The following CNTN4 variants were observed in gnomAD, a reference collection of about 807,000 sequenced individuals.
CNTN4 encodes contactin-4.
In CNTN4, 77 loss-of-function variants were observed where a neutral mutation model predicts 122.5. The ratio of observed to expected loss-of-function variants is 0.63; its 90% CI spans 0.52 to 0.76. CNTN4 has a LOEUF of 0.76. CNTN4 is among the 30% of genes least tolerant of loss of function. The pLI is 0.00. For missense variants in CNTN4, 1,256 were observed against 1,259.1 expected (o/e 1.00, Z 0.04); for synonymous variants, 512 against 447.0 (o/e 1.15, Z -1.83).
intron 6 of CNTN4, among the ~76,000 whole-genome samples, chr3:2,802,147 C>T (rs1008023902): frequency 6.6e-6 from 1 of 152,168 alleles, no homozygotes; most frequent in African/African-American, 2.4e-5. Flanking sequence ...TGGGCTAAGA[C>T]ACTATATTTA....
chr3:2,750,591 C>A (rs1402229768), intron 6 of CNTN4, among the ~76,000 whole-genome samples: 1 of 152,132 alleles, frequency 6.6e-6, no homozygotes, highest in African/African-American at 2.4e-5. Context: ...GATAAGCATA[C>A]ATTATTGTAA....
At chr3:2,929,288 T>C (rs2094499592) in intron 13 of CNTN4, among the ~76,000 whole-genome samples, 1 of 152,210 alleles carries the variant, frequency 6.6e-6, no homozygotes. Context: ...GCCTACTAAC[T>C]GAATAAGGTT....
At chr3:2,865,565 C>T (rs970196720) in intron 7 of CNTN4, among the ~76,000 whole-genome samples, 2 of 152,176 alleles carry the variant, frequency 1.3e-5, no homozygotes, top group African/African-American at 2.4e-5. Context: ...TAGTTGTTCC[C>T]TTACCCTCCC....
chr3:2,987,927 G>GA (rs1375735625), intron 13 of CNTN4, among the ~76,000 whole-genome samples: 4 of 152,046 alleles, frequency 2.6e-5, no homozygotes, highest in South Asian at 2.1e-4. Flanking sequence ...CTCTCATTTA[G>GA]AAAAAAACAC....
intron 4 of CNTN4, among the ~76,000 whole-genome samples, chr3:2,656,161 G>A (rs1013486030): frequency 6.6e-6 from 1 of 152,164 alleles, no homozygotes; most frequent in Non-Finnish European, 1.5e-5. Context: ...ATAATTATAA[G>A]TCAAAGTTAT....
At chr3:2,646,575 A>G (rs1037156378) in intron 4 of CNTN4, among the ~76,000 whole-genome samples, 2 of 152,216 alleles carry the variant, frequency 1.3e-5, no homozygotes, top group East Asian at 3.8e-4. Context: ...AAGAATAGGC[A>G]CCCATATCAG....
intron 4 of CNTN4, among the ~76,000 whole-genome samples, chr3:2,725,202 G>A (rs1316167658): frequency 1.3e-5 from 2 of 152,124 alleles, no homozygotes. Context: ...GCCACCTGGT[G>A]CTTAAAACAG....
intron 3 of CNTN4, among the ~76,000 whole-genome samples, chr3:2,367,019 G>T (rs897474008): frequency 6.6e-6 from 1 of 152,000 alleles, no homozygotes; most frequent in Non-Finnish European, 1.5e-5. Flanking sequence ...TTTAATATAT[G>T]TGGTCTCTTG....
chr3:2,412,992 C>T (rs2047281222), intron 3 of CNTN4, among the ~76,000 whole-genome samples: 2 of 152,186 alleles, frequency 1.3e-5, no homozygotes, highest in Admixed American at 6.5e-5. Context: ...TAAATGTTAA[C>T]TGTTATTGTT....
intron 6 of CNTN4, among the ~76,000 whole-genome samples, chr3:2,759,920 C>G (rs2090512313): frequency 6.6e-6 from 1 of 152,166 alleles, no homozygotes. Context: ...TTGCATTTCC[C>G]ACATGGCTAA....
chr3:2,113,627 C>T (rs1459351103), intron 2 of CNTN4, among the ~76,000 whole-genome samples: 1 of 152,106 alleles, frequency 6.6e-6, no homozygotes, highest in Admixed American at 6.5e-5. Context: ...GGACCCAATA[C>T]TATAGGATGA....
intron 2 of CNTN4, among the ~76,000 whole-genome samples, chr3:2,208,438 A>G (rs781373064): frequency 3.3e-5 from 5 of 152,158 alleles, no homozygotes; most frequent in Non-Finnish European, 5.9e-5. Context: ...GAAATGGATA[A>G]GGAGTTGGTT....
chr3:2,748,582 T>C (rs745460941), intron 6 of CNTN4, among the ~76,000 whole-genome samples: 2 of 152,230 alleles, frequency 1.3e-5, no homozygotes, highest in Non-Finnish European at 2.9e-5. Context: ...TAATTTAATA[T>C]TATTTGGACA....
intron 4 of CNTN4, among the ~76,000 whole-genome samples, chr3:2,648,627 G>T (rs191880124): frequency 6.6e-6 from 1 of 151,918 alleles, no homozygotes; most frequent in Non-Finnish European, 1.5e-5. Flanking sequence ...CCTTCTCCTG[G>T]GGCCTCCCTT....
intron 4 of CNTN4, among the ~76,000 whole-genome samples, chr3:2,669,332 G>T (rs991345037): frequency 6.6e-6 from 1 of 152,186 alleles, no homozygotes; most frequent in African/African-American, 2.4e-5. Context: ...GGGTGTATGT[G>T]TCGAGGAATT....
At chr3:2,101,187 C>G (rs2031919255) in intron 2 of CNTN4, among the ~76,000 whole-genome samples, 1 of 152,152 alleles carries the variant, frequency 6.6e-6, no homozygotes, top group Non-Finnish European at 1.5e-5. Flanking sequence ...TTACCTACTT[C>G]TCTCTCCTTT....
chr3:2,853,511 A>G (rs1400707118), intron 7 of CNTN4, among the ~76,000 whole-genome samples: 2 of 152,142 alleles, frequency 1.3e-5, no homozygotes, highest in South Asian at 2.1e-4. Context: ...CCAAAGTGCT[A>G]GGATTGCAGC....
At chr3:2,702,615 T>A (rs2086419526) in intron 4 of CNTN4, among the ~76,000 whole-genome samples, 1 of 152,180 alleles carries the variant, frequency 6.6e-6, no homozygotes, top group South Asian at 2.1e-4. Context: ...AGGATAGCAT[T>A]TACCCCCAGG....
chr3:2,631,264 A>G (rs1460802650), intron 4 of CNTN4, among the ~76,000 whole-genome samples: 2 of 152,216 alleles, frequency 1.3e-5, no homozygotes, highest in African/African-American at 2.4e-5. Context: ...TGTGATGAAT[A>G]TTTAGTTTTG....
Sources: gnomAD v4.1 joint callset for allele counts (sites outside exome capture counted in the v4.1 genomes callset) on GRCh38, gnomAD v4.1.1 for gene constraint, MANE v1.5 for transcripts, NCBI Gene and HGNC (gene_info 2026-07-23, HGNC 2026-07-21) for gene names.